EML1: variants seen among roughly 807,000 people sequenced by gnomAD.
EML1 encodes EMAP like 1.
Under a neutral mutation model 110.4 loss-of-function variants are expected in EML1, and 27 were observed. The observed-to-expected ratio is 0.24, with a 90% CI of 0.18 to 0.34. EML1 has a LOEUF of 0.34. Ranked by LOEUF, EML1 falls within the 10% of genes least tolerant of loss-of-function variation. The pLI, the probability that EML1 is intolerant of heterozygous loss-of-function variation, is 1.00. For missense variants in EML1, 741 were observed against 1,030.9 expected (o/e 0.72, Z 3.85); for synonymous variants, 344 against 385.8 (o/e 0.89, Z 1.27).
Position 99,936,653 on chromosome 14 carries a change from C to G in EML1, c.2095+319C>G, listed in dbSNP as rs930643436. Among the ~76,000 whole-genome samples, 2 of 152,052 alleles carry G rather than the reference C, an allele frequency of 1.3e-5. No individual in the cohort carries two copies. Among genetic ancestry groups the G allele is most frequent in the South Asian group, 4.2e-4 (2 of 4,806 alleles). On this transcript the variant is annotated intron_variant, in intron 19 of 21. Coordinates refer to ENST00000262233, the MANE Select transcript of EML1 (RefSeq NM_004434.3). This position sits in a 1 kb window ranked among gnomAD's most constrained non-coding sequence, Gnocchi z 5.5. ...GGGGGCGGGTCCGGGTGGATGTGGC[C>G]GAAGTGGGTGGGTCCGGAGCTGTCC...
chr14:99,857,220 C>T (rs1019183279), intron 2 of EML1, among the ~76,000 whole-genome samples: 5 of 151,516 alleles, frequency 3.3e-5, no homozygotes, highest in Non-Finnish European at 5.9e-5. Flanking sequence ...TGCAGTGAGC[C>T]GAGGTCACAC....
Position 99,781,410 on chromosome 14 carries a change from C to T in EML1, c.-27+7397C>T, listed in dbSNP as rs2057538446. 6.6e-6 allele frequency among the ~76,000 whole-genome samples: 1 copy of T among 152,174 alleles called. No individual in the cohort carries two copies. Among genetic ancestry groups the T allele is most frequent in the Admixed American group, 6.5e-5 (1 of 15,276 alleles). ...CTGCACTCACTTCCTGATTCCTACA[C>T]CCCACCACTCCTGCCCTCTAGACCC... On this transcript the variant is annotated intron_variant, in intron 1 of 22. Transcript: ENST00000327921. This position sits in a 1 kb window ranked among gnomAD's most constrained non-coding sequence, Gnocchi z 4.2.
At chr14:99,815,368 C>G (rs1363362119) in intron 1 of EML1, among the ~76,000 whole-genome samples, 1 of 152,024 alleles carries the variant, frequency 6.6e-6, no homozygotes, top group Non-Finnish European at 1.5e-5. Flanking sequence ...GTCTCGATCT[C>G]CTGACCTTGT....
intron 13 of EML1, among the ~76,000 whole-genome samples, chr14:99,912,808 A>G (rs2059966994): frequency 6.6e-6 from 1 of 152,166 alleles, no homozygotes; most frequent in Non-Finnish European, 1.5e-5. Context: ...GCCCCATCTA[A>G]TTTCATAAAA....
intron 1 of EML1, among the ~76,000 whole-genome samples, chr14:99,825,671 G>A (rs911668280): frequency 1.3e-5 from 2 of 152,096 alleles, no homozygotes; most frequent in African/African-American, 4.8e-5. Flanking sequence ...AACTGTTATT[G>A]TCAGCACCTG....
chr14:99,869,107 A>G (rs548062121), intron 3 of EML1, among the ~76,000 whole-genome samples: 5 of 152,204 alleles, frequency 3.3e-5, no homozygotes, highest in Non-Finnish European at 7.3e-5. Flanking sequence ...TTTTTATTGT[A>G]GCAAATACAT....
At chr14:99,767,464 T>G (rs1417799471) in intron 1 of EML1, among the ~76,000 whole-genome samples, 4 of 152,188 alleles carry the variant, frequency 2.6e-5, no homozygotes, top group Non-Finnish European at 5.9e-5. Flanking sequence ...TAGCTGGGTG[T>G]GGTGGCACGC....
intron 17 of EML1, 143 bp from the exon 18 acceptor site, chr14:99,935,886 T>C (rs926755664): frequency 5.4e-6 from 4 of 745,962 alleles, no homozygotes; most frequent in Non-Finnish European, 8.7e-6. Context: ...AAAGGATTCA[T>C]TGAAAAGCAG....
chr14:99,923,868 G>A (rs1223059729), intron 17 of EML1, among the ~76,000 whole-genome samples: 11 of 152,038 alleles, frequency 7.2e-5, no homozygotes, highest in South Asian at 2.1e-4. Flanking sequence ...GGCCCAGGCC[G>A]GTCTCAAACG....
chr14:99,830,779 G>A (rs1053476746), intron 1 of EML1, among the ~76,000 whole-genome samples: 1 of 152,242 alleles, frequency 6.6e-6, no homozygotes, highest in East Asian at 1.9e-4. Flanking sequence ...TCGAACTCCT[G>A]ACCTCAGGTG....
chr14:99,836,575 C>T (rs1478516255), intron 1 of EML1, among the ~76,000 whole-genome samples: 1 of 152,134 alleles, frequency 6.6e-6, no homozygotes, highest in African/African-American at 2.4e-5. Flanking sequence ...GTCATAATAA[C>T]TATTTAATTG....
intron 3 of EML1, chr14:99,874,873 G>A (rs774117111): frequency 1.8e-5 from 27 of 1,496,668 alleles, no homozygotes; most frequent in East Asian, 1.6e-4. Flanking sequence ...ACTTTTCCAC[G>A]CTTTTATTAA....
At chr14:99,853,787 A>C (rs2058853833) in intron 2 of EML1, among the ~76,000 whole-genome samples, 1 of 151,992 alleles carries the variant, frequency 6.6e-6, no homozygotes, top group Admixed American at 6.6e-5. Flanking sequence ...CTCCAGCCTC[A>C]GCTTCCCGAG....
intron 1 of EML1, among the ~76,000 whole-genome samples, chr14:99,774,444 G>A (rs1020190103): frequency 3.9e-5 from 6 of 152,142 alleles, no homozygotes; most frequent in Admixed American, 3.3e-4. Flanking sequence ...TTTTTGTAAT[G>A]TTGCCCTATC....
intron 1 of EML1, among the ~76,000 whole-genome samples, chr14:99,753,741 C>G (rs775350438): frequency 3.3e-5 from 5 of 152,208 alleles, no homozygotes; most frequent in Non-Finnish European, 7.3e-5. Context: ...TGCTATTTCT[C>G]TGTTGCTGCT....
In EML1 at chr14:99,940,257, G is replaced by A. The variant is rs986425113; in HGVS notation, c.*145G>A. 2.4e-5 allele frequency: 28 copies of A among 1,163,944 alleles called. No homozygotes were observed. The highest frequency in any genetic ancestry group is 1.1e-4 in the Admixed American group (3 of 26,544). 72.1% of individuals were successfully genotyped at this position (1,163,944 alleles called of 1,614,324 possible). ...CCTCCGCCGGCTACCTTAGCTTAGC[G>A]TGTCAGCGGGCGCCACAGCGGATCA... On this transcript the variant is annotated 3_prime_UTR_variant, in exon 22 of 22. Transcript: ENST00000262233.
intron 1 of EML1, among the ~76,000 whole-genome samples, chr14:99,758,836 T>C (rs2057285036): frequency 1.3e-5 from 2 of 152,184 alleles, no homozygotes; most frequent in African/African-American, 4.8e-5. Flanking sequence ...GCCCTGTCCA[T>C]CACAATGAAC....
intron 2 of EML1, among the ~76,000 whole-genome samples, chr14:99,862,794 AC>A (rs2059023300): frequency 6.6e-6 from 1 of 152,134 alleles, no homozygotes. Context: ...CCCCAGCCGT[AC>A]GTGCTGCTGC....
intron 2 of EML1, among the ~76,000 whole-genome samples, chr14:99,862,306 C>T (rs2139870615): frequency 6.6e-6 from 1 of 152,288 alleles, no homozygotes; most frequent in East Asian, 1.9e-4. Flanking sequence ...TGGTTGTTGA[C>T]CTTGGCCATC....
Sources: allele counts gnomAD v4.1 joint callset (sites outside exome capture counted in the v4.1 genomes callset), GRCh38; gene constraint gnomAD v4.1.1; non-coding constraint Gnocchi (gnomAD v3.1); transcripts MANE v1.5; gene names NCBI Gene and HGNC (gene_info 2026-07-23, HGNC 2026-07-21).